Variants in KLF5 observed in about 807,000 individuals in gnomAD.
The protein encoded by KLF5 is Krueppel-like factor 5.
A neutral mutation model predicts 36.9 loss-of-function variants in KLF5; 9 were observed. The observed-to-expected ratio is 0.24, with a 90% confidence interval of 0.15 to 0.43. KLF5 has a LOEUF of 0.43. Among genes scored for constraint, KLF5 ranks in the 20% least tolerant of loss-of-function variants. KLF5 has a pLI of 1.00. For synonymous variants in KLF5, 246 were observed against 241.7 expected, an observed-to-expected ratio of 1.02 and a Z score of -0.17; for missense variants, 524 against 599.5, an observed-to-expected ratio of 0.87 and a Z score of 1.31.
intron 2 of KLF5, 80 bp downstream of exon 2, chr13:73,062,814 T>C (rs528019497): frequency 2.3e-5 from 29 of 1,237,224 alleles, no homozygotes; most frequent in Non-Finnish European, 3.3e-5. Context: ...CGTGTGCGTG[T>C]GTGCACGCGC....
upstream of KLF5, chr13:73,058,738 C>T (rs2044602082): frequency 6.6e-6 from 1 of 152,512 alleles, no homozygotes; most frequent in South Asian, 2.1e-4. Flanking sequence ...CGCTACTTCC[C>T]TCCGCCCCCG....
At chr13:73,069,275 C>T (rs1185828028) in intron 3 of KLF5, among the ~76,000 whole-genome samples, 1 of 152,106 alleles carries the variant, frequency 6.6e-6, no homozygotes, top group Non-Finnish European at 1.5e-5. Context: ...GGTTTTCACT[C>T]TGGGCCTTAA....
intron 3 of KLF5, among the ~76,000 whole-genome samples, chr13:73,070,615 A>G (rs946423618): frequency 6.6e-6 from 1 of 152,130 alleles, no homozygotes; most frequent in Admixed American, 6.6e-5. Context: ...TGACATCGTG[A>G]TCCCACCCAT....
chr13:73,073,114 A>C (rs1001023940), intron 3 of KLF5, among the ~76,000 whole-genome samples: 2 of 152,232 alleles, frequency 1.3e-5, no homozygotes, highest in East Asian at 3.8e-4. Context: ...TCCTGTTGAA[A>C]TATAACTTAA....
At chr13:73,063,620 A>G (rs1594394212) in intron 2 of KLF5, among the ~76,000 whole-genome samples, 1 of 152,234 alleles carries the variant, frequency 6.6e-6, no homozygotes, top group East Asian at 1.9e-4. Context: ...CTTTCCTGTT[A>G]AAGTGATACA....
At chr13:73,073,152 A>G (rs2044734149) in intron 3 of KLF5, among the ~76,000 whole-genome samples, 1 of 152,232 alleles carries the variant, frequency 6.6e-6, no homozygotes, top group Non-Finnish European at 1.5e-5. Context: ...TCCCAGAAGT[A>G]CTGTGCATAG....
In KLF5 at chr13:73,062,802, C is replaced by T. The variant is rs1297037334; in HGVS notation, c.1135+68C>T. Reference sequence around the variant, plus strand: ...GTGTGTGTGTGTGTCTGTGTGCGCGCGCGTGTGCGTGTGTGCACGCGCGTG... The same window carrying T: ...GTGTGTGTGTGTGTCTGTGTGCGCGTGCGTGTGCGTGTGTGCACGCGCGTG... On this transcript the variant is annotated intron_variant, in intron 2 of 3. Coordinates refer to ENST00000377687, the MANE Select transcript of KLF5 (RefSeq NM_001730.5). 2.0e-5 allele frequency: 28 copies of T among 1,394,524 alleles called. No individual in the cohort carries two copies. In the Admixed American group the frequency reaches 3.9e-4, roughly 19 times the overall value. 86.4% of individuals were successfully genotyped at this position (1,394,524 alleles called of 1,614,324 possible).
chr13:73,067,921 A>T (rs747027240), intron 3 of KLF5, among the ~76,000 whole-genome samples: 2 of 151,136 alleles, frequency 1.3e-5, no homozygotes, highest in Admixed American at 1.3e-4. Context: ...GCTCACTGCA[A>T]CCTCCACCTC....
intron 3 of KLF5, among the ~76,000 whole-genome samples, chr13:73,068,915 GTGAAAC>G (rs2044702304): frequency 6.6e-6 from 1 of 151,978 alleles, no homozygotes; most frequent in Non-Finnish European, 1.5e-5. Flanking sequence ...GGCCAACATA[GTGAAAC>G]CCTGTCTCTA....
chr13:73,075,448 T>C lies in KLF5; in HGVS notation c.1196-260T>C, dbSNP rs183363480. Among the ~76,000 whole-genome samples the C allele has an allele frequency of 2.2e-3, 328 of 152,286 alleles. 4 individuals are homozygous for C. The highest frequency in any genetic ancestry group is 2.6e-3 in the Non-Finnish European group (176 of 68,014). On this transcript the variant is annotated intron_variant, in intron 3 of 3. Coordinates refer to ENST00000377687, the MANE Select transcript of KLF5 (RefSeq NM_001730.5). ...TGATTCGTTTTGTACTTGTCTAAAA[T>C]TGTTATTCTTCAGTTGTTCAAAGGT...
intron 3 of KLF5, 99 bp downstream of exon 3, chr13:73,063,982 A>AT (rs2044659951): frequency 6.3e-6 from 3 of 477,630 alleles, no homozygotes; most frequent in South Asian, 3.9e-5. Context: ...TCTCCTGTCA[A>AT]CTTTGTTTTT....
At chr13:73,067,922 CCT>C (rs2044692732) in intron 3 of KLF5, among the ~76,000 whole-genome samples, 1 of 151,448 alleles carries the variant, frequency 6.6e-6, no homozygotes, top group African/African-American at 2.4e-5. Flanking sequence ...CTCACTGCAA[CCT>C]CCACCTCCCA....
At chr13:73,063,476 G>A (rs756532188) in intron 2 of KLF5, among the ~76,000 whole-genome samples, 1 of 152,106 alleles carries the variant, frequency 6.6e-6, no homozygotes, top group Non-Finnish European at 1.5e-5. Flanking sequence ...CTTGGATAAT[G>A]GCTTAGTACT....
rs956451628 is a variant in KLF5 at position 73,077,440 on chromosome 13, G to A, written c.*1554G>A. 2.6e-5 allele frequency: 4 copies of A among 152,594 alleles called. No homozygotes were observed. The highest frequency in any genetic ancestry group is 5.9e-5 in the Non-Finnish European group (4 of 68,032). The allele number at this position is 152,594 out of a possible 1,614,324, so 9.5% of individuals were successfully genotyped here. On this transcript the variant is annotated 3_prime_UTR_variant, in exon 4 of 4. Coordinates refer to ENST00000377687, the MANE Select transcript of KLF5 (RefSeq NM_001730.5). ...TGTGGTCATTTCCTATGCAAATAAT[G>A]GAGCAAACAGCTGTATAGTTGTAGA... is the stretch of plus-strand genomic sequence containing the variant.
At chr13:73,067,507 C>T (rs1190948823) in intron 3 of KLF5, among the ~76,000 whole-genome samples, 1 of 152,188 alleles carries the variant, frequency 6.6e-6, no homozygotes, top group African/African-American at 2.4e-5. Context: ...CCTTCATGTG[C>T]GTGGATATAC....
intron 2 of KLF5, 108 bp downstream of exon 2, chr13:73,062,842 A>G (rs1484643979): frequency 4.8e-6 from 4 of 837,156 alleles, no homozygotes; most frequent in South Asian, 1.9e-5. Flanking sequence ...TTTCAACCTC[A>G]TGGCTTTAAA....
chr13:73,059,217 A>T lies in KLF5; in HGVS notation c.-111A>T. ...GCCGCTGTCTGAGGAGTCCACCCGA[A>T]ACCTCCCCTCCTCCGCCGGCAGCCC... On this transcript the variant is annotated 5_prime_UTR_variant, in exon 1 of 4. Coordinates refer to ENST00000377687, the MANE Select transcript of KLF5 (RefSeq NM_001730.5). 9.1e-7 allele frequency: 1 copy of T among 1,093,888 alleles called. No individual in the cohort carries two copies. The allele number at this position is 1,093,888 out of a possible 1,614,324, so 67.8% of individuals were successfully genotyped here.
intron 3 of KLF5, among the ~76,000 whole-genome samples, chr13:73,072,697 A>G (rs537039871): frequency 1.3e-5 from 2 of 152,270 alleles, no homozygotes; most frequent in South Asian, 2.1e-4. Flanking sequence ...AATGAGAAGT[A>G]CCTCGCTCTG....
chr13:73,059,881 T>A, intron 1 of KLF5: 1 of 872,930 alleles, frequency 1.1e-6, no homozygotes, highest in Non-Finnish European at 1.4e-6. Flanking sequence ...ACCTTAGTTG[T>A]TTTTCTTACA....
Sources: gnomAD v4.1 joint callset for allele counts (sites outside exome capture counted in the v4.1 genomes callset) on GRCh38, gnomAD v4.1.1 for gene constraint, MANE v1.5 for transcripts, NCBI Gene and HGNC (gene_info 2026-07-23, HGNC 2026-07-21) for gene names.